USP5: variants seen among roughly 807,000 people sequenced by gnomAD.
USP5 encodes ubiquitin specific peptidase 5.
In USP5, 24 loss-of-function variants were observed where a neutral mutation model predicts 102.5. The observed-to-expected ratio is 0.23, with a 90% CI of 0.17 to 0.33. USP5 has a LOEUF of 0.33. Ranked by LOEUF, USP5 falls within the 10% of genes least tolerant of loss-of-function variation. The pLI, the probability that USP5 is intolerant of heterozygous loss-of-function variation, is 1.00. For missense variants in USP5, 753 were observed against 1,122.1 expected (o/e 0.67, Z 4.70); for synonymous variants, 460 against 434.8 (o/e 1.06, Z -0.72).
chr12:6,857,467 G>A lies in USP5; in HGVS notation c.770-162G>A, dbSNP rs781904013. ...TTCCCTGACCGTCAGCCCCAGAAGG[G>A]CCATGACCGCACTCATATTACTCAT... On this transcript the variant is annotated intron_variant, in intron 6 of 19. Transcript: ENST00000229268. 1.0e-3 allele frequency: 587 copies of A among 586,330 alleles called. 6 individuals are homozygous for A. Among genetic ancestry groups the A allele is most frequent in the African/African-American group, 9.9e-3 (536 of 54,044 alleles). 36.3% of individuals were successfully genotyped at this position (586,330 alleles called of 1,614,324 possible).
Position 6,863,628 on chromosome 12 carries a change from C to T in USP5, c.1955-202C>T, listed in dbSNP as rs1438437941. Reference sequence around the variant, plus strand: ...TGGGTAGGGTGGGGGTATCATGCTCCAGAAACAGGGCCCATTCTGTGAGAA... The same window carrying T: ...TGGGTAGGGTGGGGGTATCATGCTCTAGAAACAGGGCCCATTCTGTGAGAA... On this transcript the variant is annotated intron_variant, in intron 15 of 19. Coordinates refer to ENST00000229268, the MANE Select transcript of USP5 (RefSeq NM_001098536.2). The surrounding 1 kb of genome is among the most constrained non-coding windows in gnomAD (Gnocchi z 4.7). 6.6e-6 allele frequency among the ~76,000 whole-genome samples: 1 copy of T among 152,128 alleles called. No homozygotes were observed. Among genetic ancestry groups the T allele is most frequent in the Non-Finnish European group, 1.5e-5 (1 of 68,016 alleles).
At position 6,864,294 on chromosome 12, in the gene USP5, G is replaced by A; in HGVS notation, c.2244+99G>A. On this transcript the variant is annotated intron_variant, in intron 17 of 19. Transcript: ENST00000229268. This position sits in a 1 kb window ranked among gnomAD's most constrained non-coding sequence, Gnocchi z 4.8. ...GAGCAAGACCAAAGACAACAGGTGT[G>A]GTCTGGCCGAGGTTGGGCACCACTC... The A allele has an allele frequency of 6.8e-7, 1 of 1,460,136 alleles. No individual in the cohort carries two copies. The highest frequency in any genetic ancestry group is 9.0e-7 in the Non-Finnish European group (1 of 1,107,126). 90.4% of individuals were successfully genotyped at this position (1,460,136 alleles called of 1,614,324 possible).
Position 6,863,104 on chromosome 12 carries a change from CAT to C in USP5, c.1763-80_1763-79del, listed in dbSNP as rs1156575972. The C allele has an allele frequency of 2.1e-6, 3 of 1,406,204 alleles. No individual in the cohort carries two copies. The African/African-American group carries it at 4.3e-5, about 20-fold the overall frequency. The allele number at this position is 1,406,204 out of a possible 1,614,324, so 87.1% of individuals were successfully genotyped here. A position where few individuals can be genotyped will look rare whatever the true frequency, so the allele number is the denominator to read the frequency against. On this transcript the variant is annotated intron_variant, in intron 14 of 19. Transcript: ENST00000229268. This position sits in a 1 kb window ranked among gnomAD's most constrained non-coding sequence, Gnocchi z 4.7. ...GCTCCTCTTTACAGAGCAGTTCTGA[CAT>C]AGGGGGCAGGGGATTGAGGTTCCCG...
intron 1 of USP5, among the ~76,000 whole-genome samples, chr12:6,852,882 TG>T (rs1474117036): frequency 6.6e-6 from 1 of 152,102 alleles, no homozygotes; most frequent in African/African-American, 2.4e-5. Flanking sequence ...GTTTCTCCTT[TG>T]AAGTGAGCAA....
chr12:6,864,070 C>A lies in USP5; in HGVS notation c.2119C>A (p.Leu707Met). The A allele has an allele frequency of 6.2e-7, 1 of 1,611,106 alleles. No individual in the cohort carries two copies. Among genetic ancestry groups the A allele is most frequent in the Non-Finnish European group, 8.5e-7 (1 of 1,178,312 alleles). Residue 707 changes from leucine (L) to methionine (M), a missense_variant, in exon 17 of 20, where the codon CTG becomes ATG. Coordinates refer to ENST00000229268, the MANE Select transcript of USP5 (RefSeq NM_001098536.2). The surrounding 1 kb of genome is among the most constrained non-coding windows in gnomAD (Gnocchi z 4.8). ...DDPDFANPLI[L>M]PGSSGPGSTS... ...CACAGATTTTGCAAACCCCCTCATC[C>A]TGCCTGGCTCTAGTGGGCCGGGCTC...
At position 6,855,597 on chromosome 12, in the gene USP5, T is replaced by A. The variant is rs915059519; in HGVS notation, c.237+71T>A. 3.1e-6 allele frequency: 5 copies of A among 1,592,418 alleles called. No individual in the cohort carries two copies. In the African/African-American group the frequency reaches 5.4e-5, roughly 17 times the overall value. On this transcript the variant is annotated intron_variant, in intron 2 of 19. Transcript: ENST00000229268. This position sits in a 1 kb window ranked among gnomAD's most constrained non-coding sequence, Gnocchi z 4.6. ...TTCTGACCTCCTATTGGACTCAGTT[T>A]CTTTTTTTCACCTACTTTTGTGTCA...
chr12:6,861,851 G>A lies in USP5; in HGVS notation c.1673+234G>A, dbSNP rs782355182. ...AACCACTCCCTCTTCTGTGGCACAG[G>A]GTCTCTTTGTAGTGTAGCCTCTCTT... On this transcript the variant is annotated intron_variant, in intron 13 of 19. Transcript: ENST00000229268. This position sits in a 1 kb window ranked among gnomAD's most constrained non-coding sequence, Gnocchi z 4.9. Among the ~76,000 whole-genome samples the A allele has an allele frequency of 1.9e-4, 29 of 152,184 alleles. No homozygotes were observed. Among genetic ancestry groups the A allele is most frequent in the Non-Finnish European group, 3.8e-4 (26 of 68,034 alleles).
Position 6,856,658 on chromosome 12 carries a change from C to G in USP5, c.585-49C>G, listed in dbSNP as rs1555128383. ...CAGAGCCCTCTCTCTCTGCCACTCCCTCAAATCCCCGACCCACATTTCTGC... is the reference window on the plus strand; with the variant it reads ...CAGAGCCCTCTCTCTCTGCCACTCCGTCAAATCCCCGACCCACATTTCTGC... On this transcript the variant is annotated intron_variant, in intron 5 of 19. Transcript: ENST00000229268. The surrounding 1 kb of genome is among the most constrained non-coding windows in gnomAD (Gnocchi z 5.6). 7 of 1,603,614 alleles carry G rather than the reference C, an allele frequency of 4.4e-6. No homozygotes were observed. The highest frequency in any genetic ancestry group is 1.3e-5 in the African/African-American group (1 of 74,838).
intron 6 of USP5, 28 bp from the exon 7 acceptor site, chr12:6,857,601 C>T: frequency 6.2e-7 from 1 of 1,606,222 alleles, no homozygotes; most frequent in African/African-American, 1.3e-5. Context: ...GCCACTTCCC[C>T]TGATTCTCTT....
chr12:6,855,678 C>T lies in USP5; in HGVS notation c.238-77C>T, dbSNP rs1221958993. 1 of 1,601,164 alleles carries T rather than the reference C, an allele frequency of 6.2e-7. No homozygotes were observed. Among genetic ancestry groups the T allele is most frequent in the Non-Finnish European group, 8.5e-7 (1 of 1,170,450 alleles). ...TATTCCGTTCTGAGATGAAGCACTA[C>T]CTCCTTCCGTCCCTCCTCCCGACTT... On this transcript the variant is annotated intron_variant, in intron 2 of 19. Coordinates refer to ENST00000229268, the MANE Select transcript of USP5 (RefSeq NM_001098536.2). This position sits in a 1 kb window ranked among gnomAD's most constrained non-coding sequence, Gnocchi z 4.6.
intron 1 of USP5, 92 bp downstream of exon 1, chr12:6,852,382 C>A: frequency 1.6e-6 from 2 of 1,245,990 alleles, no homozygotes; most frequent in East Asian, 5.1e-5. Context: ...GCTACCGCCT[C>A]CCTGCGATGC....
rs372092060 is a variant in USP5 at position 6,861,481 on chromosome 12, G to A, written c.1537G>A (p.Glu513Lys). ...LEYEEKKRQA[E>K]EEKMALPELV... ...GTACGAGGAGAAGAAGCGGCAAGCCGAAGAGGAGAAGATGGCACTGCCAGA... is the reference window on the plus strand; with the variant it reads ...GTACGAGGAGAAGAAGCGGCAAGCCAAAGAGGAGAAGATGGCACTGCCAGA... The change falls in exon 13 of 20, where the codon GAA becomes AAA. Residue 513 changes from glutamate (E) to lysine (K), a missense_variant. Around this residue, in one of 3 missense-constraint regions of USP5, gnomAD observed 527 missense variants for 816.5 expected, o/e 0.65. Coordinates refer to ENST00000229268, the MANE Select transcript of USP5 (RefSeq NM_001098536.2). This position sits in a 1 kb window ranked among gnomAD's most constrained non-coding sequence, Gnocchi z 4.9. 1.7e-5 allele frequency: 27 copies of A among 1,590,148 alleles called. No homozygotes were observed. Among genetic ancestry groups the A allele is most frequent in the African/African-American group, 1.5e-4 (11 of 74,382 alleles).
Position 6,856,637 on chromosome 12 carries a change from G to A in USP5, c.585-70G>A, listed in dbSNP as rs1305726660. The A allele has an allele frequency of 3.8e-6, 6 of 1,574,250 alleles. No homozygotes were observed. Among genetic ancestry groups the A allele is most frequent in the Non-Finnish European group, 5.2e-6 (6 of 1,161,690 alleles). ...CTTGGATTGGCGGGGGGCCTGCAGA[G>A]CCCTCTCTCTCTGCCACTCCCTCAA... On this transcript the variant is annotated intron_variant, in intron 5 of 19. Transcript: ENST00000229268. The surrounding 1 kb of genome is among the most constrained non-coding windows in gnomAD (Gnocchi z 5.6).
At chr12:6,854,754 C>T (rs1395738860) in intron 1 of USP5, among the ~76,000 whole-genome samples, 2 of 151,466 alleles carry the variant, frequency 1.3e-5, no homozygotes, top group African/African-American at 4.9e-5. Flanking sequence ...TGCAGTGTCT[C>T]TAAAATAAAA....
chr12:6,863,450 C>G lies in USP5; in HGVS notation c.1954+73C>G. Reference sequence around the variant, plus strand: ...CCTCTCTGCCTTGCATCCCCTGCCCCTGTCCTTTGTGTTTCTCCTGTCCTC... The same window carrying G: ...CCTCTCTGCCTTGCATCCCCTGCCCGTGTCCTTTGTGTTTCTCCTGTCCTC... On this transcript the variant is annotated intron_variant, in intron 15 of 19. Transcript: ENST00000229268. This position sits in a 1 kb window ranked among gnomAD's most constrained non-coding sequence, Gnocchi z 4.7. 5 of 1,506,718 alleles carry G rather than the reference C, an allele frequency of 3.3e-6. No individual in the cohort carries two copies. The highest frequency in any genetic ancestry group is 4.5e-6 in the Non-Finnish European group (5 of 1,107,166). 93.3% of individuals were successfully genotyped at this position (1,506,718 alleles called of 1,614,324 possible).
Position 6,864,764 on chromosome 12 carries a change from A to G in USP5, c.2287A>G (p.Ile763Val). 6.2e-7 allele frequency: 1 copy of G among 1,613,328 alleles called. No individual in the cohort carries two copies. The highest frequency in any genetic ancestry group is 8.5e-7 in the Non-Finnish European group (1 of 1,180,026). Residue 763 changes from isoleucine (I) to valine (V), a missense_variant, in exon 18 of 20, where the codon ATT becomes GTT. Transcript: ENST00000229268. The surrounding 1 kb of genome is among the most constrained non-coding windows in gnomAD (Gnocchi z 4.8). ...GGCTGTGGACTGGATCTTCAGTCAC[A>G]TTGACGACCTGGATGCTGAAGCTGC... ...ERAVDWIFSH[I>V]DDLDAEAAMD...
rs1468229323 is a variant in USP5, at chr12:6,861,306, A to G, written c.1499-137A>G. On this transcript the variant is annotated intron_variant, in intron 12 of 19. Coordinates refer to ENST00000229268, the MANE Select transcript of USP5 (RefSeq NM_001098536.2). The surrounding 1 kb of genome is among the most constrained non-coding windows in gnomAD (Gnocchi z 4.9). ...TAGCAGAGCTGCATGGAAACAGGCG[A>G]GATATATTGGACATGTGTCAGGGGT... 1.6e-6 allele frequency: 2 copies of G among 1,289,458 alleles called. No homozygotes were observed. Among genetic ancestry groups the G allele is most frequent in the African/African-American group, 3.0e-5 (2 of 67,462 alleles). 79.9% of individuals were successfully genotyped at this position (1,289,458 alleles called of 1,614,324 possible).
chr12:6,860,919 G>T lies in USP5; in HGVS notation c.1345-34G>T, dbSNP rs782642168. 59 of 1,612,246 alleles carry T rather than the reference G, an allele frequency of 3.7e-5. No individual in the cohort carries two copies. Among genetic ancestry groups the T allele is most frequent in the Non-Finnish European group, 4.9e-5 (58 of 1,178,970 alleles). ...TCAGGCCCCATTCTGTTCCCTGGCT[G>T]CCCAGACCTCCCTACCCTGCCTCTT... On this transcript the variant is annotated intron_variant, in intron 11 of 19. Transcript: ENST00000229268. The surrounding 1 kb of genome is among the most constrained non-coding windows in gnomAD (Gnocchi z 5.5).
At chr12:6,853,150 G>T (rs1943992445) in intron 1 of USP5, among the ~76,000 whole-genome samples, 2 of 152,172 alleles carry the variant, frequency 1.3e-5, no homozygotes, top group East Asian at 1.9e-4. Context: ...GCCCTTTGGG[G>T]CCTGAACTGA....
Sources: allele counts gnomAD v4.1 joint callset (sites outside exome capture counted in the v4.1 genomes callset), GRCh38; gene constraint gnomAD v4.1.1; regional missense constraint gnomAD v4.1.1; non-coding constraint Gnocchi (gnomAD v3.1); transcripts MANE v1.5; gene names NCBI Gene and HGNC (gene_info 2026-07-23, HGNC 2026-07-21).